Variants in GAS7 observed in about 807,000 individuals in gnomAD.
The protein encoded by GAS7 is growth arrest-specific protein 7.
A neutral mutation model predicts 71.1 loss-of-function variants in GAS7; 28 were observed. That is an observed-to-expected ratio of 0.39 (90% CI 0.29 to 0.54). GAS7 has a LOEUF of 0.54. Among genes scored for constraint, GAS7 ranks in the 20% least tolerant of loss-of-function variants. The pLI is 0.62. For synonymous variants in GAS7, 258 were observed against 245.8 expected (o/e 1.05, Z -0.46); for missense variants, 436 against 627.8 (o/e 0.69, Z 3.27).
At chr17:9,970,104 C>A (rs933366762) in intron 3 of GAS7, among the ~76,000 whole-genome samples, 2 of 152,140 alleles carry the variant, frequency 1.3e-5, no homozygotes, top group African/African-American at 2.4e-5. Flanking sequence ...AAATGCCAGT[C>A]ACGGGTCCAA....
At chr17:10,187,431 A>G (rs1279619066) in intron 1 of GAS7, among the ~76,000 whole-genome samples, 1 of 152,092 alleles carries the variant, frequency 6.6e-6, no homozygotes, top group Non-Finnish European at 1.5e-5. Context: ...CTCCTCATTC[A>G]CTGCTCAAAT....
intron 1 of GAS7, among the ~76,000 whole-genome samples, chr17:10,058,212 T>C (rs8067088): frequency 0.47 from 70,885 of 151,810 alleles, 18,520 homozygotes; most frequent in African/African-American, 0.73. Flanking sequence ...CTGCCAAATC[T>C]CCCAATGCGA....
Position 9,974,734 on chromosome 17 carries a change from G to A in GAS7, c.386-4972C>T, listed in dbSNP as rs1490872601. 2.6e-5 allele frequency among the ~76,000 whole-genome samples: 4 copies of A among 152,250 alleles called. No individual in the cohort carries two copies. The highest frequency in any genetic ancestry group is 3.9e-4 in the East Asian group (2 of 5,172). ...AGATATTTGGGTAGAAAAGAGGAGG[G>A]AGGTCTGGGTAGGGAGAAGTCAACA... On this transcript the variant is annotated intron_variant, in intron 3 of 13. Coordinates refer to ENST00000432992, the MANE Select transcript of GAS7 (RefSeq NM_201433.2). The surrounding 1 kb of genome is among the most constrained non-coding windows in gnomAD (Gnocchi z 4.0).
In GAS7 at chr17:9,958,980, C is replaced by T. The variant is rs576720712; in HGVS notation, c.525+222G>A. The T allele has an allele frequency of 3.8e-5, 54 of 1,414,886 alleles. No homozygotes were observed. In the African/African-American group the frequency reaches 6.0e-4, roughly 16 times the overall value. The allele number at this position is 1,414,886 out of a possible 1,614,324, so 87.6% of individuals were successfully genotyped here. A position where few individuals can be genotyped will look rare whatever the true frequency, so the allele number is the denominator to read the frequency against. ...TGCATCATCCCAGCCATCCTCCTTC[C>T]ACTTGTTCACCAGGAGAGAAGTGAA... On this transcript the variant is annotated intron_variant, in intron 5 of 13. Transcript: ENST00000432992.
At chr17:10,075,853 T>C (rs1219813189) in intron 1 of GAS7, among the ~76,000 whole-genome samples, 1 of 150,426 alleles carries the variant, frequency 6.6e-6, no homozygotes, top group African/African-American at 2.4e-5. Context: ...AATCCCAGCA[T>C]TTTGAGAGGC....
intron 1 of GAS7, among the ~76,000 whole-genome samples, chr17:10,095,202 T>C (rs1302906865): frequency 6.6e-6 from 1 of 152,102 alleles, no homozygotes; most frequent in African/African-American, 2.4e-5. Context: ...GGAAGGTATA[T>C]TGGTATTCCC....
At chr17:10,062,743 A>G (rs1341157805) in intron 1 of GAS7, among the ~76,000 whole-genome samples, 2 of 152,230 alleles carry the variant, frequency 1.3e-5, no homozygotes, top group East Asian at 3.8e-4. Context: ...TGAACCAGCA[A>G]ATCAGGGCTG....
At chr17:10,019,687 G>C in intron 2 of GAS7, 90 bp downstream of exon 2, 1 of 1,291,116 alleles carries the variant, frequency 7.7e-7, no homozygotes, top group Non-Finnish European at 1.1e-6. Context: ...CCCCCAAACA[G>C]AGAGGCGAAG....
At chr17:10,128,977 T>C (rs2073975329) in intron 1 of GAS7, among the ~76,000 whole-genome samples, 1 of 152,220 alleles carries the variant, frequency 6.6e-6, no homozygotes, top group Non-Finnish European at 1.5e-5. Flanking sequence ...TAAATAATCC[T>C]GATTGATTTG....
intron 1 of GAS7, among the ~76,000 whole-genome samples, chr17:10,163,045 C>CA (rs1160957343): frequency 6.6e-6 from 1 of 151,888 alleles, no homozygotes; most frequent in Non-Finnish European, 1.5e-5. Flanking sequence ...AAAAGGACAA[C>CA]AAAAAAATAT....
At chr17:10,155,283 T>C (rs2142112190) in intron 1 of GAS7, among the ~76,000 whole-genome samples, 1 of 152,214 alleles carries the variant, frequency 6.6e-6, no homozygotes, top group East Asian at 1.9e-4. Context: ...CCCAAAGTGC[T>C]GGGATTACAG....
intron 1 of GAS7, among the ~76,000 whole-genome samples, chr17:10,146,363 C>T (rs1056892861): frequency 2.6e-5 from 4 of 152,216 alleles, no homozygotes; most frequent in Admixed American, 2.6e-4. Context: ...AGAGCAAGTC[C>T]TGGCCAAGTT....
chr17:9,989,091 C>T (rs1174361752), intron 2 of GAS7, among the ~76,000 whole-genome samples: 1 of 152,022 alleles, frequency 6.6e-6, no homozygotes, highest in Non-Finnish European at 1.5e-5. Context: ...CCTCATGATC[C>T]GTCTGTCTCA....
Position 10,187,525 on chromosome 17 carries a change from CA to C in GAS7, c.183+10682del, listed in dbSNP as rs1265485635. 3.4e-4 allele frequency among the ~76,000 whole-genome samples: 52 copies of C among 152,338 alleles called. 1 individual carries two copies. Among genetic ancestry groups the C allele is most frequent in the African/African-American group, 1.2e-3 (48 of 41,578 alleles). On this transcript the variant is annotated intron_variant, in intron 1 of 13. Transcript: ENST00000432992. ...GTTACTCGCTTTGCTCATCAAACTTCACTCCGGAATCATCTGAGTTTTTCTT... is the reference window on the plus strand; with the variant it reads ...GTTACTCGCTTTGCTCATCAAACTTCCTCCGGAATCATCTGAGTTTTTCTT...
At chr17:9,943,349 C>G (rs2068676274) in intron 6 of GAS7, 113 bp from the exon 7 acceptor site, 1 of 700,594 alleles carries the variant, frequency 1.4e-6, no homozygotes, top group Non-Finnish European at 2.6e-6. Flanking sequence ...CAGTCCAGCA[C>G]AAGACGCGGG....
chr17:10,176,529 T>C (rs1256426883), intron 1 of GAS7, among the ~76,000 whole-genome samples: 2 of 152,218 alleles, frequency 1.3e-5, no homozygotes, highest in Non-Finnish European at 2.9e-5. Context: ...ACCACCCTTT[T>C]GACAGCTGAA....
intron 6 of GAS7, 37 bp from the exon 7 acceptor site, chr17:9,943,273 G>C (rs747979203): frequency 8.3e-7 from 1 of 1,198,110 alleles, no homozygotes; most frequent in African/African-American, 1.5e-5. Context: ...TTTAGGGCAC[G>C]TCTGAGTCTG....
chr17:10,186,242 C>A (rs1261418751), intron 1 of GAS7, among the ~76,000 whole-genome samples: 2 of 151,848 alleles, frequency 1.3e-5, no homozygotes, highest in Admixed American at 6.6e-5. Context: ...CAGGTGTGAG[C>A]TACCGCGCGT....
intron 6 of GAS7, among the ~76,000 whole-genome samples, chr17:9,943,723 A>G (rs2068690597): frequency 6.6e-6 from 1 of 152,202 alleles, no homozygotes; most frequent in Non-Finnish European, 1.5e-5. Context: ...CCACACATTC[A>G]TACAAGATCA....
Sources: allele counts gnomAD v4.1 joint callset (sites outside exome capture counted in the v4.1 genomes callset), GRCh38; gene constraint gnomAD v4.1.1; non-coding constraint Gnocchi (gnomAD v3.1); transcripts MANE v1.5; gene names NCBI Gene and HGNC (gene_info 2026-07-23, HGNC 2026-07-21).